PTPN1: variants seen among roughly 807,000 people sequenced by gnomAD.
The protein encoded by PTPN1 is tyrosine-protein phosphatase non-receptor type 1.
PTPN1 carries 12 observed loss-of-function variants against 59.9 expected under a neutral mutation model. The ratio of observed to expected loss-of-function variants is 0.20; its 90% confidence interval spans 0.13 to 0.32. PTPN1 has a LOEUF of 0.32. PTPN1 is among the 10% of genes least tolerant of loss of function. PTPN1 has a pLI of 1.00. For synonymous variants in PTPN1, 178 were observed against 203.6 expected (o/e 0.87, Z 1.07); for missense variants, 356 against 549.2 (o/e 0.65, Z 3.52).
At chr20:50,558,109 A>G (rs1484945181) in intron 1 of PTPN1, 2 of 152,202 alleles carry the variant, frequency 1.3e-5, no homozygotes, top group Non-Finnish European at 2.9e-5. Context: ...AGCTGGGATT[A>G]TAGACGCATG....
intron 1 of PTPN1, among the ~76,000 whole-genome samples, chr20:50,519,075 T>C (rs2122721524): frequency 6.6e-6 from 1 of 152,348 alleles, no homozygotes; most frequent in Middle Eastern, 3.4e-3. Flanking sequence ...ATTATCAGTA[T>C]TTTGTTTGGT....
intron 1 of PTPN1, among the ~76,000 whole-genome samples, chr20:50,528,033 A>AC (rs2082584907): frequency 6.6e-6 from 1 of 152,210 alleles, no homozygotes; most frequent in African/African-American, 2.4e-5. Context: ...CTTCAGAGGC[A>AC]CTTTGTTCCT....
intron 1 of PTPN1, among the ~76,000 whole-genome samples, chr20:50,545,727 G>A (rs1384556576): frequency 1.3e-5 from 2 of 151,992 alleles, no homozygotes; most frequent in Non-Finnish European, 2.9e-5. Context: ...CTTAATAAGA[G>A]TGGTCTGGCT....
intron 1 of PTPN1, among the ~76,000 whole-genome samples, chr20:50,558,723 TCATGGTTGGTATGG>T (rs1463541191): frequency 1.3e-5 from 2 of 152,182 alleles, no homozygotes; most frequent in African/African-American, 4.8e-5. Flanking sequence ...TTTTGTTAGG[TCATGGTTGGTATGG>T]CATGGTTGGG....
Position 50,561,419 on chromosome 20 carries a change from CA to C in PTPN1, c.125del (p.Asn42ThrfsTer30). ...GTAGAGTGGCCAAGCTTCCTAAGAA[CA>C]AAAACCGAAATAGGTACAGAGACGT... ...PCRVAKLPKNKNRNRYRDVSP... is the reference protein window; with the variant it reads ...PCRVAKLPKNXNRNRYRDVSP... On this transcript the variant is annotated frameshift_variant, in exon 2 of 10. Transcript: ENST00000371621. LOFTEE classifies it high-confidence loss of function. 1 of 1,612,724 alleles carries C rather than the reference CA, an allele frequency of 6.2e-7. No homozygotes were observed. Among genetic ancestry groups the C allele is most frequent in the South Asian group, 1.1e-5 (1 of 90,992 alleles).
chr20:50,526,941 C>T (rs2082578918), intron 1 of PTPN1, among the ~76,000 whole-genome samples: 1 of 152,166 alleles, frequency 6.6e-6, no homozygotes, highest in Non-Finnish European at 1.5e-5. Context: ...GAAATCCAGT[C>T]TTTAATCCCA....
At chr20:50,567,961 G>T (rs966825930) in intron 3 of PTPN1, among the ~76,000 whole-genome samples, 1 of 152,220 alleles carries the variant, frequency 6.6e-6, no homozygotes, top group Middle Eastern at 3.2e-3. Context: ...ACTTGCGCAA[G>T]GTCACAAGAT....
Position 50,568,289 on chromosome 20 carries a change from G to A in PTPN1, c.256-91G>A. ...CTCTGCCTAAGCTGTGGGGACTGAG[G>A]GCGCTGTCGTTAGCTGACTGCAGAA... is the stretch of plus-strand genomic sequence containing the variant. On this transcript the variant is annotated intron_variant, in intron 3 of 9. Transcript: ENST00000371621. This position sits in a 1 kb window ranked among gnomAD's most constrained non-coding sequence, Gnocchi z 5.6. The A allele has an allele frequency of 8.9e-7, 1 of 1,119,870 alleles. No homozygotes were observed. The highest frequency in any genetic ancestry group is 1.8e-5 in the Admixed American group (1 of 56,672). 69.4% of individuals were successfully genotyped at this position (1,119,870 alleles called of 1,614,324 possible).
intron 4 of PTPN1, among the ~76,000 whole-genome samples, chr20:50,570,380 CA>C (rs1256890030): frequency 2.0e-5 from 3 of 152,024 alleles, no homozygotes; most frequent in Non-Finnish European, 4.4e-5. Flanking sequence ...TTTATTTGCC[CA>C]ACAATAACAG....
chr20:50,582,417 A>G lies in PTPN1; in HGVS notation c.1285-275A>G, dbSNP rs893426792. Among the ~76,000 whole-genome samples the G allele has an allele frequency of 1.1e-4, 16 of 152,270 alleles. No homozygotes were observed. Among genetic ancestry groups the G allele is most frequent in the African/African-American group, 3.6e-4 (15 of 41,474 alleles). Reference sequence around the variant, plus strand: ...GAGGACTAGCCTCAGAGCTCTGGCCATGGAAATGACCTCCTAAGACTTTTT... The same window carrying G: ...GAGGACTAGCCTCAGAGCTCTGGCCGTGGAAATGACCTCCTAAGACTTTTT... On this transcript the variant is annotated intron_variant, in intron 9 of 9. Transcript: ENST00000371621. The surrounding 1 kb of genome is among the most constrained non-coding windows in gnomAD (Gnocchi z 4.2).
chr20:50,521,590 T>C (rs1282986522), intron 1 of PTPN1, among the ~76,000 whole-genome samples: 2 of 152,212 alleles, frequency 1.3e-5, no homozygotes, highest in Non-Finnish European at 2.9e-5. Context: ...CCCGATTTAT[T>C]AGGACATAGG....
intron 1 of PTPN1, among the ~76,000 whole-genome samples, chr20:50,528,608 G>T (rs1271332180): frequency 2.0e-5 from 3 of 151,748 alleles, no homozygotes; most frequent in Non-Finnish European, 2.9e-5. Flanking sequence ...CAGCTACTTG[G>T]GAGGCTGAGG....
In PTPN1 at chr20:50,578,514, T is replaced by C. The variant is rs756494977; in HGVS notation, c.587T>C (p.Phe196Ser). The C allele has an allele frequency of 6.2e-7, 1 of 1,614,198 alleles. No homozygotes were observed. Among genetic ancestry groups the C allele is most frequent in the Non-Finnish European group, 8.5e-7 (1 of 1,180,032 alleles). ...CCAGCCTCATTCTTGAACTTTCTTT[T>C]CAAAGTCCGAGAGTCAGGGTCACTC... ...ESPASFLNFL[F>S]KVRESGSLSP... The change falls in exon 6 of 10, where the codon TTC (phenylalanine) becomes TCC (serine). Residue 196 changes from phenylalanine to serine, a missense_variant. Physicochemically the swap from Phe to Ser is radical, Grantham distance 155. This residue lies in a region of PTPN1 where 194 missense variants were observed against 344.2 expected (regional missense o/e 0.56). Transcript: ENST00000371621.
intron 1 of PTPN1, among the ~76,000 whole-genome samples, chr20:50,525,134 A>G (rs2082568834): frequency 1.3e-5 from 2 of 151,812 alleles, no homozygotes; most frequent in Non-Finnish European, 2.9e-5. Flanking sequence ...ATCTCGGCTC[A>G]CTGCAACCTC....
chr20:50,530,889 G>A (rs1485934925), intron 1 of PTPN1, among the ~76,000 whole-genome samples: 1 of 151,654 alleles, frequency 6.6e-6, no homozygotes, highest in African/African-American at 2.4e-5. Context: ...TTTTTTGTAG[G>A]GACAGGGTCT....
intron 1 of PTPN1, among the ~76,000 whole-genome samples, chr20:50,535,581 G>A (rs1055360364): frequency 3.9e-5 from 6 of 152,148 alleles, no homozygotes; most frequent in Non-Finnish European, 7.4e-5. Context: ...GTTAGGATTT[G>A]GTTACAGAAA....
chr20:50,535,290 C>T (rs1387111452), intron 1 of PTPN1, among the ~76,000 whole-genome samples: 1 of 152,152 alleles, frequency 6.6e-6, no homozygotes, highest in Admixed American at 6.5e-5. Flanking sequence ...CTCCCTTGAT[C>T]TCCTGGCCAG....
At chr20:50,547,745 C>A (rs2122759851) in intron 1 of PTPN1, among the ~76,000 whole-genome samples, 1 of 152,256 alleles carries the variant, frequency 6.6e-6, no homozygotes, top group East Asian at 1.9e-4. Context: ...TAGGATACCC[C>A]ATTTCTAGAT....
Position 50,582,818 on chromosome 20 carries a change from C to CG in PTPN1, c.*104dup, listed in dbSNP as rs16989673. Reference sequence around the variant, plus strand: ...GCGGTAGGTAAGGGCCGCCGGACCGCGTAGAGAGCCGGGCCCCGGACGGAC... The same window carrying CG: ...GCGGTAGGTAAGGGCCGCCGGACCGCGGTAGAGAGCCGGGCCCCGGACGGAC... On this transcript the variant is annotated 3_prime_UTR_variant, in exon 10 of 10. Coordinates refer to ENST00000371621, the MANE Select transcript of PTPN1 (RefSeq NM_002827.4). This position sits in a 1 kb window ranked among gnomAD's most constrained non-coding sequence, Gnocchi z 4.2. 93,452 of 1,430,574 alleles carry CG rather than the reference C, an allele frequency of 0.065. 3,488 individuals are homozygous for CG. Among genetic ancestry groups the CG allele is most frequent in the Non-Finnish European group, 0.077 (79,610 of 1,030,528 alleles). 88.6% of individuals were successfully genotyped at this position (1,430,574 alleles called of 1,614,324 possible).
Sources: allele counts gnomAD v4.1 joint callset (sites outside exome capture counted in the v4.1 genomes callset), GRCh38; gene constraint gnomAD v4.1.1; regional missense constraint gnomAD v4.1.1; non-coding constraint Gnocchi (gnomAD v3.1); transcripts MANE v1.5; gene names NCBI Gene and HGNC (gene_info 2026-07-23, HGNC 2026-07-21).